Variants in LCOR observed in about 807,000 individuals in gnomAD.
The protein encoded by LCOR is ligand-dependent corepressor.
Under a neutral mutation model 64.4 loss-of-function variants are expected in LCOR, and 14 were observed. The ratio of observed to expected loss-of-function variants is 0.22; its 90% CI spans 0.14 to 0.34. LCOR has a LOEUF of 0.34. Ranked by LOEUF, LCOR falls within the 10% of genes least tolerant of loss-of-function variation. The pLI is 1.00. For missense variants in LCOR, 1,686 were observed against 1,765.3 expected (o/e 0.96, Z 0.80); for synonymous variants, 643 against 642.5 (o/e 1.00, Z -0.01).
At chr10:96,931,191 T>C (rs375140971) in intron 4 of LCOR, among the ~76,000 whole-genome samples, 1 of 151,956 alleles carries the variant, frequency 6.6e-6, no homozygotes, top group East Asian at 1.9e-4. Context: ...TTTCCTCCCC[T>C]GTTTTGGGTG....
At chr10:96,907,168 A>C (rs895788058) in intron 2 of LCOR, 97 bp from the exon 3 acceptor site, 5 of 296,848 alleles carry the variant, frequency 1.7e-5, no homozygotes, top group African/African-American at 1.2e-4. Context: ...ATCCTTGAGA[A>C]CTGGAAGAAA....
intron 4 of LCOR, among the ~76,000 whole-genome samples, chr10:96,913,915 AAG>A (rs1846891500): frequency 6.6e-6 from 1 of 152,126 alleles, no homozygotes; most frequent in Admixed American, 6.5e-5. Context: ...AAAAAAAAAA[AAG>A]AAGTTAGAAC....
intron 2 of LCOR, among the ~76,000 whole-genome samples, chr10:96,897,203 T>C (rs965125220): frequency 1.3e-5 from 2 of 152,076 alleles, no homozygotes; most frequent in Non-Finnish European, 2.9e-5. Context: ...ATATTATGGA[T>C]TCAGTAATGC....
intron 5 of LCOR, among the ~76,000 whole-genome samples, chr10:96,944,594 T>C (rs1401615222): frequency 1.5e-5 from 2 of 132,166 alleles, no homozygotes; most frequent in African/African-American, 7.4e-5. Context: ...ACTGTGTGAT[T>C]TTTTTTTTTT....
chr10:96,865,258 C>G (rs554632872), intron 2 of LCOR, among the ~76,000 whole-genome samples: 102 of 151,034 alleles, frequency 6.8e-4, no homozygotes, highest in Non-Finnish European at 1.3e-3. Flanking sequence ...TGACTGTGGA[C>G]TGTTAGGCTG....
intron 4 of LCOR, among the ~76,000 whole-genome samples, chr10:96,913,683 G>A (rs1589651494): frequency 6.6e-6 from 1 of 152,320 alleles, no homozygotes; most frequent in Middle Eastern, 3.4e-3. Context: ...CACTTTGGAA[G>A]GCCTCAGGCA....
intron 7 of LCOR, chr10:96,955,250 G>T: frequency 6.2e-7 from 1 of 1,614,092 alleles, no homozygotes; most frequent in South Asian, 1.1e-5. Flanking sequence ...TGAAGTTCAG[G>T]GGAAATGGTG....
intron 7 of LCOR, among the ~76,000 whole-genome samples, chr10:96,978,312 TATTTGCC>T (rs1337186676): frequency 1.3e-5 from 2 of 152,236 alleles, no homozygotes; most frequent in African/African-American, 2.4e-5. Flanking sequence ...AAGAAGATAA[TATTTGCC>T]ATTCTTGCAA....
intron 2 of LCOR, among the ~76,000 whole-genome samples, chr10:96,881,647 G>C (rs1044699431): frequency 1.3e-5 from 2 of 151,988 alleles, no homozygotes; most frequent in African/African-American, 2.4e-5. Flanking sequence ...AGTGGAGACG[G>C]GTTTTCACCA....
intron 4 of LCOR, among the ~76,000 whole-genome samples, chr10:96,942,508 C>T (rs544963318): frequency 3.9e-5 from 6 of 152,216 alleles, no homozygotes; most frequent in South Asian, 2.1e-4. Flanking sequence ...TAAAATATTT[C>T]AGTTAAATTT....
intron 2 of LCOR, among the ~76,000 whole-genome samples, chr10:96,865,874 CA>C (rs57814101): frequency 0.36 from 32,352 of 88,832 alleles, 4,203 homozygotes; most frequent in East Asian, 0.51. Context: ...GACTCTGTCT[CA>C]AAAAAAAAAA....
At chr10:96,857,491 G>C (rs1028668790) in intron 2 of LCOR, among the ~76,000 whole-genome samples, 1 of 152,024 alleles carries the variant, frequency 6.6e-6, no homozygotes, top group Admixed American at 6.6e-5. Context: ...ATTCTTGGTC[G>C]ACCCCTGCAG....
chr10:96,839,041 CA>C (rs1315382883), intron 2 of LCOR, among the ~76,000 whole-genome samples: 2 of 151,806 alleles, frequency 1.3e-5, no homozygotes, highest in South Asian at 2.1e-4. Flanking sequence ...AGTCGTATTT[CA>C]AAAAAACAAG....
intron 2 of LCOR, among the ~76,000 whole-genome samples, chr10:96,877,304 G>A (rs1257918541): frequency 6.6e-6 from 1 of 152,066 alleles, no homozygotes; most frequent in Non-Finnish European, 1.5e-5. Flanking sequence ...TGGACAAATT[G>A]CTTGAGCTCA....
At chr10:96,915,128 C>G (rs1394946418) in intron 4 of LCOR, among the ~76,000 whole-genome samples, 1 of 152,256 alleles carries the variant, frequency 6.6e-6, no homozygotes, top group Non-Finnish European at 1.5e-5. Context: ...TTCCCCACAA[C>G]AGTCTGGCTT....
At chr10:96,908,418 A>G (rs1177216391) in intron 4 of LCOR, among the ~76,000 whole-genome samples, 3 of 152,260 alleles carry the variant, frequency 2.0e-5, no homozygotes, top group Admixed American at 1.3e-4. Context: ...CAAAAAGAAC[A>G]GTAATGTAGA....
intron 2 of LCOR, among the ~76,000 whole-genome samples, chr10:96,861,223 A>C (rs775685032): frequency 1.3e-5 from 2 of 152,236 alleles, no homozygotes; most frequent in Admixed American, 6.5e-5. Context: ...TAGGAGACCT[A>C]TGCAAGTACT....
intron 4 of LCOR, among the ~76,000 whole-genome samples, chr10:96,920,353 G>T (rs1317950507): frequency 6.8e-6 from 1 of 147,838 alleles, no homozygotes. Flanking sequence ...GAATTCGGTT[G>T]TTTCTTGTTA....
At chr10:96,960,727 G>C (rs922957391) in intron 7 of LCOR, 2 of 152,008 alleles carry the variant, frequency 1.3e-5, no homozygotes, top group Admixed American at 6.6e-5. Context: ...AGAACAGCCC[G>C]TTTAGGAGAC....
Sources: allele counts gnomAD v4.1 joint callset (sites outside exome capture counted in the v4.1 genomes callset), GRCh38; gene constraint gnomAD v4.1.1; transcripts MANE v1.5; gene names NCBI Gene and HGNC (gene_info 2026-07-23, HGNC 2026-07-21).